CACNA2D1: variants seen among roughly 807,000 people sequenced by gnomAD.
CACNA2D1 encodes the protein calcium voltage-gated channel auxiliary subunit alpha2delta 1, also known as voltage-dependent calcium channel subunit alpha-2/delta-1.
A neutral mutation model predicts 171.5 loss-of-function variants in CACNA2D1; 53 were observed. That is an observed-to-expected ratio of 0.31 (90% CI 0.25 to 0.39). The LOEUF (loss-of-function observed/expected upper bound fraction) is 0.39, where lower values mean the gene tolerates loss of function less well. Ranked by LOEUF, CACNA2D1 falls within the 10% of genes least tolerant of loss-of-function variation. The pLI, the probability that CACNA2D1 is intolerant of heterozygous loss-of-function variation, is 1.00. For synonymous variants in CACNA2D1, 442 were observed against 443.1 expected, an observed-to-expected ratio of 1.00 and a Z score of 0.03; for missense variants, 903 against 1,299.8, an observed-to-expected ratio of 0.69 and a Z score of 4.69.
At chr7:82,133,884 A>T (rs1791297451) in intron 5 of CACNA2D1, among the ~76,000 whole-genome samples, 1 of 152,126 alleles carries the variant, frequency 6.6e-6, no homozygotes, top group Non-Finnish European at 1.5e-5. Flanking sequence ...CATCCTGGCT[A>T]ACACGGTGAA....
In CACNA2D1 at chr7:82,060,509, T is replaced by A; in HGVS notation, c.798A>T (p.Gly266=). The A allele has an allele frequency of 4.4e-6, 7 of 1,605,860 alleles. No homozygotes were observed. Among genetic ancestry groups the A allele is most frequent in the Non-Finnish European group, 6.0e-6 (7 of 1,174,350 alleles). ...ILVDVSGSVS[G]LTLKLIRTSV... Reference sequence around the variant, plus strand: ...ATGTTCGGATCAGTTTAAGTGTCAATCCACTAACACTTCCACTCCTAGAAA... The same window carrying A: ...ATGTTCGGATCAGTTTAAGTGTCAAACCACTAACACTTCCACTCCTAGAAA... Residue 266 remains glycine (G), a synonymous_variant, in exon 10 of 39, where the codon GGA becomes GGT. Transcript: ENST00000356860.
intron 1 of CACNA2D1, among the ~76,000 whole-genome samples, chr7:82,360,717 T>C (rs191046542): frequency 6.6e-4 from 101 of 152,318 alleles, no homozygotes; most frequent in African/African-American, 2.3e-3. Context: ...GCCTTCATTG[T>C]TTTTATGATG....
intron 4 of CACNA2D1, among the ~76,000 whole-genome samples, chr7:82,165,770 A>G (rs866820976): frequency 6.6e-6 from 1 of 152,090 alleles, no homozygotes; most frequent in Admixed American, 6.6e-5. Context: ...TTCCCTACAT[A>G]GCAGAAATGT....
chr7:82,023,771 T>C (rs1203783186), intron 12 of CACNA2D1: 1 of 151,730 alleles, frequency 6.6e-6, no homozygotes, highest in Non-Finnish European at 1.5e-5. Context: ...CTGGAGCTTA[T>C]TCATCTTGCT....
intron 5 of CACNA2D1, among the ~76,000 whole-genome samples, chr7:82,129,507 C>A (rs1790712339): frequency 6.6e-6 from 1 of 152,126 alleles, no homozygotes; most frequent in African/African-American, 2.4e-5. Flanking sequence ...TATTGATAAA[C>A]AATTCACATT....
chr7:82,102,785 T>C (rs543021687), intron 6 of CACNA2D1, among the ~76,000 whole-genome samples: 1 of 152,008 alleles, frequency 6.6e-6, no homozygotes, highest in African/African-American at 2.4e-5. Flanking sequence ...AATGGAAAAA[T>C]GTCAACCACA....
chr7:82,106,041 G>A (rs1350996121), intron 6 of CACNA2D1, among the ~76,000 whole-genome samples: 2 of 152,054 alleles, frequency 1.3e-5, no homozygotes, highest in African/African-American at 4.8e-5. Flanking sequence ...GACAAATGTT[G>A]ACTAAATCCA....
In CACNA2D1 at chr7:82,048,917, T is replaced by C. The variant is rs1018698155; in HGVS notation, c.880-10682A>G. On this transcript the variant is annotated intron_variant, in intron 10 of 38. Coordinates refer to ENST00000356860, the MANE Select transcript of CACNA2D1 (RefSeq NM_000722.4). ...ATAACTTTTATAATTCTAAAAACAA[T>C]AGTTCAGTTTAGAATAAAATTATTC... 1.2e-4 allele frequency among the ~76,000 whole-genome samples: 18 copies of C among 152,050 alleles called. 1 individual carries two copies. The highest frequency in any genetic ancestry group is 5.9e-5 in the Non-Finnish European group (4 of 67,984).
chr7:82,299,658 T>G (rs1432196153), intron 3 of CACNA2D1, among the ~76,000 whole-genome samples: 1 of 143,180 alleles, frequency 7.0e-6, no homozygotes, highest in Admixed American at 7.0e-5. Flanking sequence ...AGACTCTATC[T>G]CAAAAAAAAA....
intron 1 of CACNA2D1, among the ~76,000 whole-genome samples, chr7:82,426,368 A>G (rs1829187032): frequency 6.6e-6 from 1 of 152,044 alleles, no homozygotes; most frequent in South Asian, 2.1e-4. Context: ...GGCACAATAA[A>G]CGGCCGCACA....
chr7:82,240,839 C>T lies in CACNA2D1; in HGVS notation c.295-70230G>A, dbSNP rs369649956. Among the ~76,000 whole-genome samples, 34 of 151,886 alleles carry T rather than the reference C, an allele frequency of 2.2e-4. 1 individual carries two copies. The highest frequency in any genetic ancestry group is 7.8e-4 in the East Asian group (4 of 5,152). On this transcript the variant is annotated intron_variant, in intron 3 of 38. Coordinates refer to ENST00000356860, the MANE Select transcript of CACNA2D1 (RefSeq NM_000722.4). ...AAAATTAGCTGGGTGTGGTAGTGCA[C>T]GCCTGTAGCTCCAGCTACTCGTGAG... is the stretch of plus-strand genomic sequence containing the variant.
chr7:82,146,472 C>A (rs1411020005), intron 4 of CACNA2D1, among the ~76,000 whole-genome samples: 8 of 138,084 alleles, frequency 5.8e-5, no homozygotes, highest in South Asian at 2.3e-4. Context: ...AAATATATAT[C>A]TTTATATATA....
intron 1 of CACNA2D1, among the ~76,000 whole-genome samples, chr7:82,362,300 T>C (rs1585655335): frequency 6.6e-6 from 1 of 152,174 alleles, no homozygotes; most frequent in African/African-American, 2.4e-5. Flanking sequence ...AACGTAGATT[T>C]CAACAAGCAG....
intron 3 of CACNA2D1, among the ~76,000 whole-genome samples, chr7:82,185,523 G>C (rs1237743354): frequency 2.4e-5 from 1 of 41,910 alleles, no homozygotes; most frequent in Non-Finnish European, 4.9e-5. Context: ...AGGAGGGGGA[G>C]GAGGAGGAGG....
chr7:82,295,127 C>T (rs1277520130), intron 3 of CACNA2D1, among the ~76,000 whole-genome samples: 1 of 152,110 alleles, frequency 6.6e-6, no homozygotes, highest in Non-Finnish European at 1.5e-5. Context: ...TCATTTTGCC[C>T]ATTTCCTCAA....
Position 82,050,265 on chromosome 7 carries a change from T to C in CACNA2D1, c.879+10163A>G, listed in dbSNP as rs891690240. On this transcript the variant is annotated intron_variant, in intron 10 of 38. Transcript: ENST00000356860. ...AGGAACTGAAATGTCTGAGATTTTATAGCAGTTGTAAGCTAACAAGTAAGC... is the reference window on the plus strand; with the variant it reads ...AGGAACTGAAATGTCTGAGATTTTACAGCAGTTGTAAGCTAACAAGTAAGC... 10 of 270,984 alleles carry C rather than the reference T, an allele frequency of 3.7e-5. No homozygotes were observed. The East Asian group carries it at 6.9e-4, about 19-fold the overall frequency. The allele number at this position is 270,984 out of a possible 1,614,324, so 16.8% of individuals were successfully genotyped here.
intron 4 of CACNA2D1, among the ~76,000 whole-genome samples, chr7:82,168,651 A>C (rs1306114693): frequency 6.7e-6 from 1 of 148,870 alleles, no homozygotes; most frequent in African/African-American, 2.6e-5. Context: ...TAAAGAGTTC[A>C]CAATGTCTAG....
In CACNA2D1 at chr7:81,964,342, T is replaced by A. The variant is rs556022468; in HGVS notation, c.2592A>T (p.Gly864=). ...GTCTCATCAAGCTGGGATCAATCTC[T>A]CCAAAAAATCTTCCAATCTGGTGAA... ...DYTNQIGRFF[G]EIDPSLMRHL... Residue 864 remains glycine (G), a synonymous_variant, in exon 33 of 39, where the codon GGA becomes GGT. Transcript: ENST00000356860. 1.9e-5 allele frequency: 31 copies of A among 1,611,600 alleles called. No homozygotes were observed. Among genetic ancestry groups the A allele is most frequent in the Non-Finnish European group, 2.5e-5 (29 of 1,178,740 alleles).
At chr7:82,247,419 A>G (rs1304897843) in intron 3 of CACNA2D1, among the ~76,000 whole-genome samples, 1 of 152,008 alleles carries the variant, frequency 6.6e-6, no homozygotes, top group Non-Finnish European at 1.5e-5. Flanking sequence ...CTGAGGCAGG[A>G]TGATGGCTTA....
Sources: allele counts gnomAD v4.1 joint callset (sites outside exome capture counted in the v4.1 genomes callset), GRCh38; gene constraint gnomAD v4.1.1; transcripts MANE v1.5; gene names NCBI Gene and HGNC (gene_info 2026-07-23, HGNC 2026-07-21).